Variants in TSNARE1 observed in about 807,000 individuals in gnomAD.
TSNARE1 encodes the protein t-SNARE domain-containing protein 1.
TSNARE1 carries 49 observed loss-of-function variants against 62.0 expected under a neutral mutation model. The ratio of observed to expected loss-of-function variants is 0.79; its 90% CI spans 0.63 to 1.00. TSNARE1 has a LOEUF of 1.00. Ranked by LOEUF, TSNARE1 falls within the 50% of genes least tolerant of loss-of-function variation. The pLI is 0.00. For missense variants in TSNARE1, 755 were observed against 700.1 expected (o/e 1.08, Z -0.88); for synonymous variants, 328 against 294.4 (o/e 1.11, Z -1.17).
intron 8 of TSNARE1, 21 bp from the exon 9 acceptor site, chr8:142,314,461 GAAGA>G (rs752372163): frequency 6.2e-7 from 1 of 1,612,346 alleles, no homozygotes; most frequent in East Asian, 2.2e-5. Context: ...AAGGACAAGA[GAAGA>G]AAGACAGGAA....
chr8:142,360,173 A>G (rs373452190), intron 1 of TSNARE1, among the ~76,000 whole-genome samples: 2 of 152,176 alleles, frequency 1.3e-5, no homozygotes, highest in African/African-American at 2.4e-5. Context: ...GCAGGCCAGC[A>G]TAAGGGGCTG....
Position 142,300,611 on chromosome 8 carries a change from C to A in TSNARE1, c.1165G>T (p.Asp389Tyr). ...TCACTCCCGTTAAAGACCTTCTCAT[C>A]ATCAGCCAGCTCGGCAAACGGGGCC... ...PQAPFAELAD[D>Y]EKVFNGSDNM... is the part of the protein sequence containing the mutation. Residue 389 changes from aspartate to tyrosine, a missense_variant, in exon 10 of 14, where the codon GAT becomes TAT. By Grantham distance (160) the Asp-to-Tyr change is radical. Coordinates refer to ENST00000524325, the MANE Select transcript of TSNARE1 (RefSeq NM_145003.5). The A allele has an allele frequency of 6.2e-7, 1 of 1,613,792 alleles. No individual in the cohort carries two copies. The highest frequency in any genetic ancestry group is 2.2e-5 in the East Asian group (1 of 44,882).
chr8:142,217,550 G>A (rs1815941698), intron 13 of TSNARE1, among the ~76,000 whole-genome samples: 1 of 152,178 alleles, frequency 6.6e-6, no homozygotes, highest in Admixed American at 6.5e-5. Flanking sequence ...CCCTTGAACT[G>A]GGTTTATCAC....
intron 11 of TSNARE1, chr8:142,275,303 C>A: frequency 1.0e-6 from 1 of 985,456 alleles, no homozygotes; most frequent in African/African-American, 1.7e-5. Flanking sequence ...GAGACCGGGT[C>A]TGCAAGCACA....
chr8:142,360,992 G>A (rs529025166), intron 1 of TSNARE1, among the ~76,000 whole-genome samples: 8 of 152,270 alleles, frequency 5.3e-5, no homozygotes, highest in Non-Finnish European at 1.0e-4. Context: ...TCCCCCAGCA[G>A]ATGGGAACAG....
chr8:142,352,626 C>T (rs1223380498), intron 2 of TSNARE1, among the ~76,000 whole-genome samples: 1 of 152,264 alleles, frequency 6.6e-6, no homozygotes, highest in Non-Finnish European at 1.5e-5. Flanking sequence ...CACAGCCACG[C>T]GCAACGTGGA....
chr8:142,284,268 G>A, intron 11 of TSNARE1, 145 bp downstream of exon 11: 1 of 647,846 alleles, frequency 1.5e-6, no homozygotes, highest in Non-Finnish European at 2.7e-6. Flanking sequence ...AGGGGAGGGA[G>A]CAGATGCTCA....
intron 12 of TSNARE1, among the ~76,000 whole-genome samples, chr8:142,245,543 T>C (rs1322842258): frequency 6.6e-6 from 1 of 152,198 alleles, no homozygotes; most frequent in Non-Finnish European, 1.5e-5. Context: ...CAAAGCTGGA[T>C]GACAAAAGGC....
At position 142,221,202 on chromosome 8, in the gene TSNARE1, G is replaced by A. The variant is rs117376097; in HGVS notation, c.*11+8271C>T. On this transcript the variant is annotated intron_variant, in intron 13 of 13. Transcript: ENST00000524325. ...TGGCGCTGTGGCGAGGAGTCAGTGA[G>A]AGAATGCCCATTAAAGCACCTACTA... 3.3e-5 allele frequency among the ~76,000 whole-genome samples: 5 copies of A among 152,348 alleles called. No individual in the cohort carries two copies. In the East Asian group the frequency reaches 7.7e-4, roughly 24 times the overall value.
chr8:142,352,248 AG>A lies in TSNARE1; in HGVS notation c.88+2388del, dbSNP rs202048263. ...AAGCAGACAAACAGTGCTCACTGGC[AG>A]GAAGACCCACATGCCCAATAAACAC... On this transcript the variant is annotated intron_variant, in intron 2 of 13. Coordinates refer to ENST00000524325, the MANE Select transcript of TSNARE1 (RefSeq NM_145003.5). Among the ~76,000 whole-genome samples, 883 of 152,384 alleles carry A rather than the reference AG, an allele frequency of 5.8e-3. 7 individuals carry two copies. Among genetic ancestry groups the A allele is most frequent in the Middle Eastern group, 0.02 (6 of 294 alleles).
chr8:142,315,636 C>T (rs1032446248), intron 7 of TSNARE1, among the ~76,000 whole-genome samples: 1 of 151,770 alleles, frequency 6.6e-6, no homozygotes, highest in Non-Finnish European at 1.5e-5. Context: ...TGGGGCTGGA[C>T]ACGCACGGAG....
rs1458630617 is a variant in TSNARE1, at chr8:142,271,037, C to T, written c.1446+3744G>A. The T allele has an allele frequency of 6.1e-6, 6 of 985,756 alleles. No individual in the cohort carries two copies. The Admixed American group carries it at 3.7e-4, about 61-fold the overall frequency. The allele number at this position is 985,756 out of a possible 1,614,324, so 61.1% of individuals were successfully genotyped here. ...CTGCCTGGACTCAGCAGGGGAAAGACTGGAGGCCCTGCTCCTGCCCTTTGG... is the reference window on the plus strand; with the variant it reads ...CTGCCTGGACTCAGCAGGGGAAAGATTGGAGGCCCTGCTCCTGCCCTTTGG... On this transcript the variant is annotated intron_variant, in intron 12 of 13. Transcript: ENST00000524325.
chr8:142,270,431 C>T (rs1195077364), intron 12 of TSNARE1: 1 of 984,788 alleles, frequency 1.0e-6, no homozygotes, highest in African/African-American at 1.8e-5. Flanking sequence ...GAAAAATCTA[C>T]AGGTACAAAA....
intron 1 of TSNARE1, among the ~76,000 whole-genome samples, chr8:142,382,117 C>T (rs1364646879): frequency 2.0e-5 from 3 of 152,210 alleles, no homozygotes; most frequent in Non-Finnish European, 4.4e-5. Flanking sequence ...GGCCCCTGCG[C>T]ATGGGCATCC....
At chr8:142,333,766 C>T (rs1831377712) in intron 4 of TSNARE1, among the ~76,000 whole-genome samples, 1 of 152,234 alleles carries the variant, frequency 6.6e-6, no homozygotes, top group Non-Finnish European at 1.5e-5. Context: ...GCTACCTCCA[C>T]CTTGCCCCAG....
chr8:142,381,846 T>C (rs972897496), intron 1 of TSNARE1, among the ~76,000 whole-genome samples: 3 of 152,170 alleles, frequency 2.0e-5, no homozygotes, highest in African/African-American at 4.8e-5. Flanking sequence ...TGCCTTGGCA[T>C]TGGGAACAGG....
chr8:142,217,431 A>G (rs941769783), intron 13 of TSNARE1, among the ~76,000 whole-genome samples: 2 of 152,216 alleles, frequency 1.3e-5, no homozygotes, highest in African/African-American at 4.8e-5. Flanking sequence ...CTGACCCCAC[A>G]AGAGGCTTGG....
At chr8:142,242,598 AGGCAGAGGACCTGATGATTTTTAAAATG>A (rs1170582243) in intron 12 of TSNARE1, among the ~76,000 whole-genome samples, 1 of 152,244 alleles carries the variant, frequency 6.6e-6, no homozygotes, top group Non-Finnish European at 1.5e-5. Flanking sequence ...TTTTTAAAAT[AGGCAGAGGACCTGATGATTTTTAAAATG>A]GGCAGAGGAC....
intron 9 of TSNARE1, among the ~76,000 whole-genome samples, chr8:142,305,918 AAG>A (rs1826592305): frequency 6.6e-6 from 1 of 152,186 alleles, no homozygotes; most frequent in African/African-American, 2.4e-5. Context: ...TTCCCGTGGG[AAG>A]AGACTCCGCT....
Sources: gnomAD v4.1 joint callset for allele counts (sites outside exome capture counted in the v4.1 genomes callset) on GRCh38, gnomAD v4.1.1 for gene constraint, MANE v1.5 for transcripts, NCBI Gene and HGNC (gene_info 2026-07-23, HGNC 2026-07-21) for gene names.